PRKN: variants seen among roughly 807,000 people sequenced by gnomAD.
The protein encoded by PRKN is parkin RBR E3 ubiquitin protein ligase, also known as E3 ubiquitin-protein ligase parkin.
In PRKN, 56 loss-of-function variants were observed where a neutral mutation model predicts 59.5. The ratio of observed to expected loss-of-function variants is 0.94; its 90% CI spans 0.76 to 1.18. PRKN has a LOEUF of 1.18. PRKN is among the 50% of genes most tolerant of loss of function. PRKN has a pLI of 0.00. For synonymous variants in PRKN, 250 were observed against 222.1 expected (o/e 1.13, Z -1.12); for missense variants, 657 against 596.4 (o/e 1.10, Z -1.06).
At chr6:162,214,297 T>C (rs1229071771) in intron 3 of PRKN, among the ~76,000 whole-genome samples, 6 of 152,126 alleles carry the variant, frequency 3.9e-5, no homozygotes, top group Non-Finnish European at 7.4e-5. Flanking sequence ...TCCAGTATCC[T>C]AGGTTTTGAG....
chr6:162,010,304 TATATATATTTTATATATTTATA>T (rs1782452886), intron 5 of PRKN, among the ~76,000 whole-genome samples: 1 of 127,260 alleles, frequency 7.9e-6, no homozygotes, highest in Non-Finnish European at 1.6e-5. Context: ...ATATATTTAT[TATATATATTTTATATATTTATA>T]ATATATAATA....
At chr6:162,242,735 G>A (rs1485222919) in intron 3 of PRKN, among the ~76,000 whole-genome samples, 4 of 152,150 alleles carry the variant, frequency 2.6e-5, no homozygotes, top group Admixed American at 6.5e-5. Flanking sequence ...ACCTGTTGCA[G>A]GCTTTACACC....
chr6:162,470,757 T>A (rs1299523401), intron 1 of PRKN, among the ~76,000 whole-genome samples: 2 of 152,150 alleles, frequency 1.3e-5, no homozygotes, highest in Non-Finnish European at 2.9e-5. Context: ...TTTTTAAATT[T>A]TATTTATTTG....
At chr6:162,440,895 T>C (rs7768935) in intron 2 of PRKN, among the ~76,000 whole-genome samples, 46,621 of 151,398 alleles carry the variant, frequency 0.31, 7,995 homozygotes, top group African/African-American at 0.47. Flanking sequence ...TATACAAGAA[T>C]ATCTAGGATG....
intron 3 of PRKN, among the ~76,000 whole-genome samples, chr6:162,222,018 T>C (rs1328013206): frequency 6.6e-6 from 1 of 152,164 alleles, no homozygotes; most frequent in Non-Finnish European, 1.5e-5. Flanking sequence ...ATGAAAAAGA[T>C]AAAAGTAGAT....
intron 7 of PRKN, among the ~76,000 whole-genome samples, chr6:161,633,677 T>G (rs1674257361): frequency 6.6e-6 from 1 of 152,218 alleles, no homozygotes; most frequent in Non-Finnish European, 1.5e-5. Context: ...CCCATGAATC[T>G]TCTAAGGAAA....
chr6:161,772,341 C>T (rs1234614253), intron 7 of PRKN, among the ~76,000 whole-genome samples: 1 of 152,206 alleles, frequency 6.6e-6, no homozygotes. Context: ...ATCTCATTTC[C>T]TGTGACACTG....
chr6:161,744,872 C>A (rs1788349838), intron 7 of PRKN, among the ~76,000 whole-genome samples: 1 of 152,210 alleles, frequency 6.6e-6, no homozygotes, highest in Non-Finnish European at 1.5e-5. Context: ...ATGCCAGCAG[C>A]AGCTCCCATT....
chr6:162,570,319 A>G (rs890584284), intron 1 of PRKN, among the ~76,000 whole-genome samples: 1 of 152,212 alleles, frequency 6.6e-6, no homozygotes, highest in Non-Finnish European at 1.5e-5. Context: ...AATGCTGTCA[A>G]GGTTGTGGAG....
chr6:161,950,187 C>T lies in PRKN; in HGVS notation c.734+23115G>A, dbSNP rs74920914. ...TATTAGTGGAATGGTGACTGATGGA[C>T]ATCCCCGTGAAATGGCAGCAGACAA... is the stretch of plus-strand genomic sequence containing the variant. On this transcript the variant is annotated intron_variant, in intron 6 of 11. Transcript: ENST00000366898. Among the ~76,000 whole-genome samples the T allele has an allele frequency of 1.3e-3, 202 of 152,260 alleles. 1 individual carries two copies. The highest frequency in any genetic ancestry group is 4.7e-3 in the African/African-American group (195 of 41,540).
intron 9 of PRKN, among the ~76,000 whole-genome samples, chr6:161,507,150 T>C (rs147446380): frequency 1.3e-5 from 2 of 152,324 alleles, no homozygotes; most frequent in Non-Finnish European, 2.9e-5. Flanking sequence ...TCTGAACTTT[T>C]TGCCACTTAA....
At position 161,360,104 on chromosome 6, in the gene PRKN, T is replaced by C. The variant is rs1330778122; in HGVS notation, c.1269A>G (p.Val423=). Residue 423 remains valine (V), a synonymous_variant, in exon 11 of 12, where the codon GTA becomes GTG. Transcript: ENST00000366898. The surrounding 1 kb of genome is among the most constrained non-coding windows in gnomAD (Gnocchi z 5.1). The part of the protein sequence containing the change: ...KTTKPCPRCH[V]PVEKNGGCMH... ...CAGACTCACCATTTTTTTCCACTGG[T>C]ACATGGCAGCGGGGACAGGGCTTGG... 50 of 1,613,314 alleles carry C rather than the reference T, an allele frequency of 3.1e-5. No homozygotes were observed. The highest frequency in any genetic ancestry group is 4.2e-5 in the Non-Finnish European group (50 of 1,179,332).
chr6:161,640,905 T>C (rs1222559021), intron 7 of PRKN, among the ~76,000 whole-genome samples: 4 of 152,210 alleles, frequency 2.6e-5, no homozygotes, highest in Non-Finnish European at 5.9e-5. Context: ...ATAGGAAGGG[T>C]ACGTCCAGTG....
intron 9 of PRKN, among the ~76,000 whole-genome samples, chr6:161,425,657 C>T (rs1401393053): frequency 6.6e-6 from 1 of 152,114 alleles, no homozygotes; most frequent in Non-Finnish European, 1.5e-5. Flanking sequence ...TGCCTCATCA[C>T]CCACTGGAGA....
intron 4 of PRKN, among the ~76,000 whole-genome samples, chr6:162,136,190 A>G (rs1781558332): frequency 6.6e-6 from 1 of 151,456 alleles, no homozygotes; most frequent in Non-Finnish European, 1.5e-5. Context: ...TATAGGTATA[A>G]TTTTATATAT....
At chr6:161,698,855 A>G (rs1262246455) in intron 7 of PRKN, among the ~76,000 whole-genome samples, 1 of 152,194 alleles carries the variant, frequency 6.6e-6, no homozygotes, top group Non-Finnish European at 1.5e-5. Flanking sequence ...CAGAAAACAG[A>G]AGAGAAAAGC....
intron 2 of PRKN, among the ~76,000 whole-genome samples, chr6:162,301,695 G>A (rs1223763380): frequency 1.4e-5 from 2 of 145,922 alleles, no homozygotes; most frequent in East Asian, 4.3e-4. Context: ...TTACAGCCTA[G>A]TTTAACATGA....
intron 8 of PRKN, among the ~76,000 whole-genome samples, chr6:161,555,417 T>C (rs1310962144): frequency 8.0e-6 from 1 of 125,226 alleles, no homozygotes. Context: ...GTTCCTTTGC[T>C]GTTGCTCAGT....
chr6:162,325,047 G>C (rs1783201930), intron 2 of PRKN, among the ~76,000 whole-genome samples: 1 of 151,296 alleles, frequency 6.6e-6, no homozygotes, highest in African/African-American at 2.4e-5. Context: ...ATTTTAATTT[G>C]GAAAAAAAAA....
Sources: gnomAD v4.1 joint callset for allele counts (sites outside exome capture counted in the v4.1 genomes callset) on GRCh38, gnomAD v4.1.1 for gene constraint, Gnocchi (gnomAD v3.1) non-coding constraint, MANE v1.5 for transcripts, NCBI Gene and HGNC (gene_info 2026-07-23, HGNC 2026-07-21) for gene names.